Variants in PPP1CC observed in about 807,000 individuals in gnomAD.
PPP1CC encodes the protein protein phosphatase 1 catalytic subunit gamma.
In PPP1CC, 16 loss-of-function variants were observed where a neutral mutation model predicts 38.4. The ratio of observed to expected loss-of-function variants is 0.42; its 90% CI spans 0.28 to 0.63. PPP1CC has a LOEUF of 0.63. Ranked by LOEUF, PPP1CC falls within the 30% of genes least tolerant of loss-of-function variation. The probability of loss-of-function intolerance (pLI) is 0.25; values close to 1 mark genes in which losing one functional copy is unlikely to be tolerated. For synonymous variants in PPP1CC, 158 were observed against 136.0 expected (o/e 1.16, Z -1.13); for missense variants, 170 against 391.3 (o/e 0.43, Z 4.77).
the PPP1CC span, among the ~76,000 whole-genome samples, chr12:110,709,829 G>A: frequency 2.0e-5 from 3 of 151,828 alleles, no homozygotes; most frequent in African/African-American, 4.8e-5. Context: ...TTACAGGCAT[G>A]AGCTACTGCG....
intron 1 of PPP1CC, among the ~76,000 whole-genome samples, chr12:110,738,870 G>GA (rs2069978564): frequency 6.6e-6 from 1 of 152,196 alleles, no homozygotes; most frequent in East Asian, 1.9e-4. Context: ...GTCTCCAACA[G>GA]AGCTTTCCCA....
intron 1 of PPP1CC, among the ~76,000 whole-genome samples, chr12:110,735,685 G>C (rs1245650243): frequency 6.6e-6 from 1 of 151,766 alleles, no homozygotes; most frequent in Non-Finnish European, 1.5e-5. Context: ...AGGAGGCTGA[G>C]GCACGAGAAT....
rs182546636 is a variant in PPP1CC, at chr12:110,727,248, G to A, written c.419-2484C>T. Among the ~76,000 whole-genome samples, 369 of 152,266 alleles carry A rather than the reference G, an allele frequency of 2.4e-3. 1 individual carries two copies. The highest frequency in any genetic ancestry group is 2.8e-3 in the Admixed American group (43 of 15,290). On this transcript the variant is annotated intron_variant, in intron 3 of 6. Transcript: ENST00000335007. ...TTACAGGCGTGAGCTACCACGCCCC[G>A]GCTTTGATTCTTTAGTTATGCCACA...
chr12:110,711,305 T>C, the PPP1CC span, among the ~76,000 whole-genome samples: 1 of 150,644 alleles, frequency 6.6e-6, no homozygotes, highest in Non-Finnish European at 1.5e-5. Context: ...TCCCAGCTAC[T>C]TGGGAGCCCG....
downstream of PPP1CC, among the ~76,000 whole-genome samples, chr12:110,715,059 T>C (rs1187145199): frequency 1.3e-5 from 2 of 152,020 alleles, no homozygotes; most frequent in Admixed American, 6.6e-5. Context: ...ACCAGTTTAC[T>C]GTTCTCTTGT....
the PPP1CC span, among the ~76,000 whole-genome samples, chr12:110,713,402 G>A: frequency 1.3e-5 from 2 of 152,068 alleles, no homozygotes; most frequent in East Asian, 3.9e-4. Flanking sequence ...CAAAGTGTTG[G>A]GATTACAGGC....
At chr12:110,714,598 G>C in the PPP1CC span, among the ~76,000 whole-genome samples, 1 of 151,734 alleles carries the variant, frequency 6.6e-6, no homozygotes, top group African/African-American at 2.4e-5. Flanking sequence ...CTTGAGGTCA[G>C]GAGTTTGAGA....
chr12:110,740,486 T>C (rs974274899), intron 1 of PPP1CC, among the ~76,000 whole-genome samples: 1 of 152,108 alleles, frequency 6.6e-6, no homozygotes, highest in Non-Finnish European at 1.5e-5. Context: ...ATTACCAACA[T>C]CATTTAACTT....
chr12:110,730,821 C>T, intron 2 of PPP1CC, 62 bp from the exon 3 acceptor site: 1 of 1,115,706 alleles, frequency 9.0e-7, no homozygotes, highest in Non-Finnish European at 1.3e-6. Context: ...ACTAACAAAG[C>T]TTTGGAAAGA....
chr12:110,731,041 T>C (rs1235401758), intron 2 of PPP1CC, among the ~76,000 whole-genome samples: 1 of 152,218 alleles, frequency 6.6e-6, no homozygotes, highest in Non-Finnish European at 1.5e-5. Flanking sequence ...TGTCCAAGCA[T>C]GCATTCTTGC....
downstream of PPP1CC, among the ~76,000 whole-genome samples, chr12:110,716,925 A>AT (rs2069692097): frequency 6.6e-6 from 1 of 152,192 alleles, no homozygotes; most frequent in African/African-American, 2.4e-5. Context: ...ACTCAATTCT[A>AT]TTTGAGTCGT....
intron 3 of PPP1CC, among the ~76,000 whole-genome samples, chr12:110,727,652 T>C (rs1248121428): frequency 6.6e-6 from 1 of 151,754 alleles, no homozygotes; most frequent in Admixed American, 6.6e-5. Flanking sequence ...AAAGTACTTA[T>C]GTACCTGGAA....
Position 110,720,699 on chromosome 12 carries a change from C to G in PPP1CC, c.*377G>C. 4.8e-6 allele frequency: 1 copy of G among 206,460 alleles called. No individual in the cohort carries two copies. Among genetic ancestry groups the G allele is most frequent in the Non-Finnish European group, 9.8e-6 (1 of 101,582 alleles). 12.8% of individuals were successfully genotyped at this position (206,460 alleles called of 1,614,324 possible). ...AGAACATGTACAGATTCAGAGCACC[C>G]TAGGGCTCTCTTTATGTCCTAAAGA... On this transcript the variant is annotated 3_prime_UTR_variant, in exon 7 of 7. Transcript: ENST00000335007.
Position 110,735,865 on chromosome 12 carries a change from G to C in PPP1CC, c.56-3964C>G, listed in dbSNP as rs530428869. Among the ~76,000 whole-genome samples the C allele has an allele frequency of 3.3e-5, 5 of 152,062 alleles. No homozygotes were observed. The South Asian group carries it at 1.0e-3, about 32-fold the overall frequency. On this transcript the variant is annotated intron_variant, in intron 1 of 6. Coordinates refer to ENST00000335007, the MANE Select transcript of PPP1CC (RefSeq NM_002710.4). ...GGATCACCTGAGGTAAGGAGTTCGAGACCAGCCTGGCCAACATGGTGAAAC... is the reference window on the plus strand; with the variant it reads ...GGATCACCTGAGGTAAGGAGTTCGACACCAGCCTGGCCAACATGGTGAAAC...
At position 110,721,096 on chromosome 12, in the gene PPP1CC, T is replaced by A; in HGVS notation, c.952A>T (p.Thr318Ser). The A allele has an allele frequency of 1.2e-6, 2 of 1,613,942 alleles. No individual in the cohort carries two copies. Among genetic ancestry groups the A allele is most frequent in the Non-Finnish European group, 1.7e-6 (2 of 1,179,810 alleles). The stretch of plus-strand genomic sequence containing the variant: ...GACATCTATTTCTTTGCTTGCTTTG[T>A]GATCATACCCCTTGGAGGCGTTACA... ...RPVTPPRGMI[T>S]KQAKK is the part of the protein sequence containing the mutation. Residue 318 changes from threonine to serine, a missense_variant, in exon 7 of 7, where the codon ACA (threonine) becomes TCA (serine). By Grantham distance (58) the Thr-to-Ser change is moderately conservative. This residue lies in a region of PPP1CC where 23 missense variants were observed against 24.0 expected (regional missense o/e 0.96). Coordinates refer to ENST00000335007, the MANE Select transcript of PPP1CC (RefSeq NM_002710.4).
chr12:110,731,681 T>C lies in PPP1CC; in HGVS notation c.187+89A>G, dbSNP rs16940977. The C allele has an allele frequency of 4.5e-3, 6,374 of 1,410,190 alleles. 417 individuals are homozygous for C. The Admixed American group carries it at 0.11, about 25-fold the overall frequency. The allele number at this position is 1,410,190 out of a possible 1,614,324, so 87.4% of individuals were successfully genotyped here. Reference sequence around the variant, plus strand: ...AAGCTATTCGCAAACAGGATAATCATTCTGCTAGCTAATACAAGGTCATCA... The same window carrying C: ...AAGCTATTCGCAAACAGGATAATCACTCTGCTAGCTAATACAAGGTCATCA... On this transcript the variant is annotated intron_variant, in intron 2 of 6. Transcript: ENST00000335007.
intron 1 of PPP1CC, among the ~76,000 whole-genome samples, chr12:110,741,181 GTGTTTTTTTTGT>G (rs1294761314): frequency 6.8e-6 from 1 of 148,110 alleles, no homozygotes; most frequent in Non-Finnish European, 1.5e-5. Flanking sequence ...ATGACATTTA[GTGTTTTTTTTGT>G]TGTTTTTTTT....
chr12:110,730,528 C>T lies in PPP1CC; in HGVS notation c.418+1G>A. ...TTCCTTAGATATAGAAAAGTACTTA[C>T]ATTCATCATAAAATCCATAAATTCT... On this transcript the variant is annotated splice_donor_variant, in intron 3 of 6. Transcript: ENST00000335007. LOFTEE classifies it high-confidence loss of function. 1 of 1,592,458 alleles carries T rather than the reference C, an allele frequency of 6.3e-7. No homozygotes were observed. The highest frequency in any genetic ancestry group is 8.6e-7 in the Non-Finnish European group (1 of 1,166,222).
At chr12:110,727,109 T>C (rs2069808158) in intron 3 of PPP1CC, among the ~76,000 whole-genome samples, 1 of 152,236 alleles carries the variant, frequency 6.6e-6, no homozygotes, top group African/African-American at 2.4e-5. Context: ...AATTTTTGTA[T>C]TTTTAATAGA....
Sources: allele counts gnomAD v4.1 joint callset (sites outside exome capture counted in the v4.1 genomes callset), GRCh38; gene constraint gnomAD v4.1.1; regional missense constraint gnomAD v4.1.1; transcripts MANE v1.5; gene names NCBI Gene and HGNC (gene_info 2026-07-23, HGNC 2026-07-21).